The following C19orf47 variants were observed in gnomAD, a reference collection of about 807,000 sequenced individuals.
C19orf47 encodes uncharacterized protein C19orf47.
A neutral mutation model predicts 32.3 loss-of-function variants in C19orf47; 18 were observed. The observed-to-expected ratio is 0.56, with a 90% CI of 0.39 to 0.83. C19orf47 has a LOEUF of 0.83. Ranked by LOEUF, C19orf47 falls within the 40% of genes least tolerant of loss-of-function variation. The probability of loss-of-function intolerance (pLI) is 0.00; values close to 1 mark genes in which losing one functional copy is unlikely to be tolerated. For synonymous variants in C19orf47, 202 were observed against 211.1 expected, an observed-to-expected ratio of 0.96 and a Z score of 0.37; for missense variants, 484 against 531.6, an observed-to-expected ratio of 0.91 and a Z score of 0.88.
At position 40,324,090 on chromosome 19, in the gene C19orf47, G is replaced by A. The variant is rs748768374; in HGVS notation, c.593-14C>T. On this transcript the variant is annotated splice_polypyrimidine_tract_variant and intron_variant, in intron 7 of 8. Transcript: ENST00000683109. ...TCCTATGGAGACCTGGGAGGGAAGTGAAGCCATCAGGGAGAGGCCCCGGTG... is the reference window on the plus strand; with the variant it reads ...TCCTATGGAGACCTGGGAGGGAAGTAAAGCCATCAGGGAGAGGCCCCGGTG... 13 of 1,614,224 alleles carry A rather than the reference G, an allele frequency of 8.1e-6. 1 individual carries two copies. The South Asian group carries it at 1.4e-4, about 18-fold the overall frequency.
intron 5 of C19orf47, among the ~76,000 whole-genome samples, chr19:40,332,810 A>C (rs1397366609): frequency 6.6e-6 from 1 of 152,172 alleles, no homozygotes; most frequent in Non-Finnish European, 1.5e-5. Context: ...GAACATTTTG[A>C]GTTGCTCCAG....
chr19:40,346,279 C>T (rs950037633), intron 1 of C19orf47, among the ~76,000 whole-genome samples: 28 of 149,374 alleles, frequency 1.9e-4, no homozygotes, highest in Admixed American at 6.0e-4. Flanking sequence ...CCCCTCTCTA[C>T]TAAAAATACA....
upstream of C19orf47, chr19:40,348,405 C>G: frequency 2.0e-6 from 3 of 1,483,126 alleles, no homozygotes; most frequent in Non-Finnish European, 2.7e-6. Flanking sequence ...CTCCCCCGGC[C>G]CGGGCTGCCC....
At chr19:40,335,307 G>C (rs956612023) in intron 4 of C19orf47, among the ~76,000 whole-genome samples, 1 of 152,184 alleles carries the variant, frequency 6.6e-6, no homozygotes, top group Non-Finnish European at 1.5e-5. Context: ...TTGTGAGCCA[G>C]GTTGCCATCT....
Position 40,333,907 on chromosome 19 carries a change from T to C in C19orf47, c.245A>G (p.Glu82Gly). 6.3e-7 allele frequency: 1 copy of C among 1,575,736 alleles called. No individual in the cohort carries two copies. ...GGGGCTAGGGCTGCAGGGTACTGAC[T>C]CAGTGGCAGCTTTGCACATGTCCTG... ...HRQDMCKAATESVPCSPSPLA... is the reference protein window; with the variant it reads ...HRQDMCKAATGSVPCSPSPLA... Residue 82 changes from glutamate (E) to glycine (G), a missense_variant, in exon 5 of 9, where the codon GAG (glutamate) becomes GGG (glycine). Physicochemically the swap from Glu to Gly is moderately conservative, Grantham distance 98. Around this residue, in one of 3 missense-constraint regions of C19orf47, gnomAD observed 376 missense variants for 370.2 expected, o/e 1.02. Transcript: ENST00000683109.
chr19:40,295,229 C>G, the C19orf47 span, among the ~76,000 whole-genome samples: 3 of 151,972 alleles, frequency 2.0e-5, no homozygotes, highest in African/African-American at 7.3e-5. Flanking sequence ...ACCATGTTGG[C>G]CAGGCTGGTC....
intron 8 of C19orf47, among the ~76,000 whole-genome samples, chr19:40,322,738 G>A (rs962746340): frequency 6.6e-6 from 1 of 152,198 alleles, no homozygotes; most frequent in Admixed American, 6.5e-5. Flanking sequence ...TTCACTCCAC[G>A]AATATTTTGA....
the C19orf47 span, among the ~76,000 whole-genome samples, chr19:40,312,040 C>T: frequency 6.6e-6 from 1 of 152,186 alleles, no homozygotes; most frequent in Non-Finnish European, 1.5e-5. Context: ...GTACACTATC[C>T]CACATCCAAT....
the C19orf47 span, among the ~76,000 whole-genome samples, chr19:40,295,142 C>T: frequency 6.6e-6 from 1 of 152,080 alleles, no homozygotes; most frequent in Non-Finnish European, 1.5e-5. Flanking sequence ...CTGCCTCAGC[C>T]TCCCAAGTAG....
rs750933756 is a variant in C19orf47, at chr19:40,336,170, G to A, written c.162C>T (p.Gly54=). 2.6e-5 allele frequency: 42 copies of A among 1,614,076 alleles called. 1 individual carries two copies. The South Asian group carries it at 3.3e-4, about 13-fold the overall frequency. ...DLNKEIMNEL[G]VTVVGDIIAI... is the part of the protein sequence containing the mutation. ...CGATGATGTCACCCACCACGGTCAC[G>A]CCCAGCTCATTCATTATCTCCTTAT... The change falls in exon 4 of 9, where the codon GGC becomes GGT. Residue 54 remains glycine (G), a synonymous_variant. Coordinates refer to ENST00000683109, the MANE Select transcript of C19orf47 (RefSeq NM_001256441.2).
chr19:40,322,602 G>C (rs917875289), intron 8 of C19orf47, among the ~76,000 whole-genome samples: 2 of 152,238 alleles, frequency 1.3e-5, no homozygotes, highest in Non-Finnish European at 2.9e-5. Context: ...CGCCCTGAGA[G>C]GGGGGACATC....
intron 2 of C19orf47, among the ~76,000 whole-genome samples, chr19:40,338,585 A>C (rs2078116509): frequency 6.6e-6 from 1 of 152,046 alleles, no homozygotes; most frequent in Non-Finnish European, 1.5e-5. Flanking sequence ...GGGTTTCACC[A>C]TGTTGGTCAG....
chr19:40,318,775 C>T (rs1458444637), downstream of C19orf47, among the ~76,000 whole-genome samples: 2 of 152,120 alleles, frequency 1.3e-5, no homozygotes, highest in African/African-American at 4.8e-5. Context: ...CTACAGTTGT[C>T]CCTCATCCTG....
At chr19:40,323,324 G>C (rs759430792) in intron 8 of C19orf47, among the ~76,000 whole-genome samples, 2 of 152,258 alleles carry the variant, frequency 1.3e-5, no homozygotes, top group African/African-American at 2.4e-5. Context: ...CATCCTTGGA[G>C]GTGGGTCTAT....
chr19:40,310,522 G>A, the C19orf47 span, among the ~76,000 whole-genome samples: 9 of 152,238 alleles, frequency 5.9e-5, no homozygotes, highest in South Asian at 4.1e-4. Context: ...GAGGTGATCC[G>A]CCCACCTCCG....
At chr19:40,303,497 G>A in the C19orf47 span, among the ~76,000 whole-genome samples, 16,168 of 145,386 alleles carry the variant, frequency 0.11, 1,225 homozygotes, top group African/African-American at 0.22. Context: ...ACTCCAGCCT[G>A]GGCAACAGAG....
intron 4 of C19orf47, among the ~76,000 whole-genome samples, chr19:40,335,506 G>A (rs1355825796): frequency 6.6e-6 from 1 of 152,206 alleles, no homozygotes; most frequent in Non-Finnish European, 1.5e-5. Context: ...AGTATTTTGG[G>A]AGACCGAGGC....
intron 2 of C19orf47, among the ~76,000 whole-genome samples, chr19:40,338,321 A>C (rs1351941283): frequency 6.8e-6 from 1 of 147,618 alleles, no homozygotes; most frequent in East Asian, 2.0e-4. Context: ...ATATATACAC[A>C]AATATATATA....
chr19:40,323,363 C>A (rs1345322557), intron 8 of C19orf47, among the ~76,000 whole-genome samples: 1 of 152,236 alleles, frequency 6.6e-6, no homozygotes, highest in Non-Finnish European at 1.5e-5. Context: ...GTACAAAGGA[C>A]TTAAGTGACA....
Sources: gnomAD v4.1 joint callset for allele counts (sites outside exome capture counted in the v4.1 genomes callset) on GRCh38, gnomAD v4.1.1 for gene constraint, gnomAD v4.1.1 regional missense constraint, MANE v1.5 for transcripts, NCBI Gene and HGNC (gene_info 2026-07-23, HGNC 2026-07-21) for gene names.